Variants in HAS1 observed in about 807,000 individuals in gnomAD.
The protein encoded by HAS1 is hyaluronan synthase 1.
In HAS1, 27 loss-of-function variants were observed where a neutral mutation model predicts 35.0. The observed-to-expected ratio is 0.77, with a 90% CI of 0.57 to 1.06. The LOEUF (loss-of-function observed/expected upper bound fraction) is 1.06. Ranked by LOEUF, HAS1 falls within the 50% of genes least tolerant of loss-of-function variation. The pLI is 0.00. For missense variants in HAS1, 940 were observed against 814.8 expected (o/e 1.15, Z -1.87); for synonymous variants, 409 against 371.2 (o/e 1.10, Z -1.17).
At chr19:51,716,910 G>A in intron 3 of HAS1, 58 bp downstream of exon 3, 2 of 1,177,868 alleles carry the variant, frequency 1.7e-6, no homozygotes, top group Non-Finnish European at 2.5e-6. Flanking sequence ...GCCCCATCCG[G>A]CTTCCCTTCT....
Position 51,713,853 on chromosome 19 carries a change from G to A in HAS1, c.1308C>T (p.Cys436=). 6.2e-7 allele frequency: 1 copy of A among 1,606,720 alleles called. No homozygotes were observed. Among genetic ancestry groups the A allele is most frequent in the Non-Finnish European group, 8.5e-7 (1 of 1,179,366 alleles). The change falls in exon 5 of 5, where the codon TGC becomes TGT. Residue 436 remains cysteine, a synonymous_variant. Transcript: ENST00000540069. This position sits in a 1 kb window ranked among gnomAD's most constrained non-coding sequence, Gnocchi z 4.5. The stretch of plus-strand genomic sequence containing the variant: ...CCTTGGCCAGTGCCACGCCCTGCAC[G>A]CACAGCAGCACCCACAGCAGCGCCC... ...RPWALLWVLL[C]VQGVALAKAA... is the part of the protein sequence containing the mutation.
intron 4 of HAS1, among the ~76,000 whole-genome samples, chr19:51,715,409 C>G (rs1236681098): frequency 6.6e-6 from 1 of 152,132 alleles, no homozygotes; most frequent in Non-Finnish European, 1.5e-5. Flanking sequence ...CTCAGGCACT[C>G]CACTTAACAC....
At chr19:51,719,150 G>C (rs2122263746) in intron 2 of HAS1, 56 bp downstream of exon 2, 1 of 1,107,314 alleles carries the variant, frequency 9.0e-7, no homozygotes, top group African/African-American at 1.6e-5. Context: ...AAAGACCCCA[G>C]GAAAGTGGGA....
chr19:51,718,978 A>G (rs550960546), intron 2 of HAS1, among the ~76,000 whole-genome samples: 66 of 152,228 alleles, frequency 4.3e-4, no homozygotes, highest in Admixed American at 5.9e-4. Context: ...GAATGCCTCT[A>G]CATTGAATGG....
Position 51,719,405 on chromosome 19 carries a change from TG to T in HAS1, c.499del (p.Gln167SerfsTer33). The T allele has an allele frequency of 6.4e-7, 1 of 1,567,400 alleles. No homozygotes were observed. Among genetic ancestry groups the T allele is most frequent in the South Asian group, 1.2e-5 (1 of 86,678 alleles). On this transcript the variant is annotated frameshift_variant, in exon 2 of 5. Transcript: ENST00000540069. LOFTEE classifies it high-confidence loss of function. ...GCCCGCCGCCGCGGGTTCCCAGGGC[TG>T]GTGGTAGTTGCCGTCCCACACGTAC... Reference protein sequence around the residue: ...ATYVWDGNYHQPWEPAAAGAV... With the variant: ...ATYVWDGNYHXPWEPAAAGAV...
chr19:51,715,200 C>T (rs2083578706), intron 4 of HAS1, among the ~76,000 whole-genome samples: 1 of 152,168 alleles, frequency 6.6e-6, no homozygotes, highest in African/African-American at 2.4e-5. Flanking sequence ...GTACCCAAAA[C>T]GGCTGCCAGA....
At chr19:51,716,467 C>G in intron 3 of HAS1, 79 bp from the exon 4 acceptor site, 1 of 1,292,188 alleles carries the variant, frequency 7.7e-7, no homozygotes, top group South Asian at 1.4e-5. Flanking sequence ...CCAGCCCCAA[C>G]CCCATCTCCA....
chr19:51,713,936 G>A lies in HAS1; in HGVS notation c.1225C>T (p.Leu409=), dbSNP rs1190771278. 6.2e-7 allele frequency: 1 copy of A among 1,609,840 alleles called. No homozygotes were observed. Among genetic ancestry groups the A allele is most frequent in the Non-Finnish European group, 8.5e-7 (1 of 1,180,018 alleles). The part of the protein sequence containing the change: ...WMTYEAVVSG[L]FPFFVAATVL... ...GTGGCCGCCACGAAGAAGGGGAACA[G>A]GCCGGAGACCACCGCCTCGTAGGTC... Residue 409 remains leucine, a synonymous_variant, in exon 5 of 5, where the codon CTG becomes TTG. Coordinates refer to ENST00000540069, the MANE Select transcript of HAS1 (RefSeq NM_001297436.2). The surrounding 1 kb of genome is among the most constrained non-coding windows in gnomAD (Gnocchi z 4.5).
Position 51,719,301 on chromosome 19 carries a change from G to T in HAS1, c.604C>A (p.Arg202Ser), listed in dbSNP as rs757504132. ...RLAVEALVRT[R>S]RCVCVAQRWG... ...CGCTGCGCCACGCACACGCACCTGCGAGTCCTCACCAGCGCCTCCACTGCC... is the reference window on the plus strand; with the variant it reads ...CGCTGCGCCACGCACACGCACCTGCTAGTCCTCACCAGCGCCTCCACTGCC... Residue 202 changes from arginine (R) to serine (S), a missense_variant, in exon 2 of 5, where the codon CGC becomes AGC. Transcript: ENST00000540069. 1 of 1,612,472 alleles carries T rather than the reference G, an allele frequency of 6.2e-7. No homozygotes were observed. The highest frequency in any genetic ancestry group is 8.5e-7 in the Non-Finnish European group (1 of 1,179,484).
intron 2 of HAS1, among the ~76,000 whole-genome samples, chr19:51,718,499 A>G (rs2083601299): frequency 6.6e-6 from 1 of 152,194 alleles, no homozygotes; most frequent in African/African-American, 2.4e-5. Flanking sequence ...GAGTAAAGAA[A>G]AAGAATTTCT....
At position 51,713,244 on chromosome 19, in the gene HAS1, G is replaced by T; in HGVS notation, c.*183C>A. On this transcript the variant is annotated 3_prime_UTR_variant, in exon 5 of 5. Transcript: ENST00000540069. This position sits in a 1 kb window ranked among gnomAD's most constrained non-coding sequence, Gnocchi z 4.5. ...ACCCTGACCAATAAATACCCTCCCT[G>T]GAGACCCAGAAGTCCCAGTCCCAAT... The T allele has an allele frequency of 1.9e-6, 1 of 517,200 alleles. No individual in the cohort carries two copies. Among genetic ancestry groups the T allele is most frequent in the Non-Finnish European group, 3.2e-6 (1 of 309,588 alleles). The allele number at this position is 517,200 out of a possible 1,614,324, so 32.0% of individuals were successfully genotyped here.
At chr19:51,714,469 A>G (rs12973499) in intron 4 of HAS1, among the ~76,000 whole-genome samples, 3 of 148,162 alleles carry the variant, frequency 2.0e-5, no homozygotes, top group African/African-American at 7.5e-5. Context: ...TAGGGGGATC[A>G]CTTGAGGCTA....
intron 3 of HAS1, among the ~76,000 whole-genome samples, chr19:51,716,767 T>G (rs2083589313): frequency 6.6e-6 from 1 of 151,990 alleles, no homozygotes; most frequent in African/African-American, 2.4e-5. Flanking sequence ...ATCCATATCC[T>G]TTTTCCAACC....
rs755808630 is a variant in HAS1, at chr19:51,713,926, A to C, written c.1235T>G (p.Phe412Cys). The change falls in exon 5 of 5, where the codon TTC becomes TGC. Residue 412 changes from phenylalanine (F) to cysteine (C), a missense_variant. Coordinates refer to ENST00000540069, the MANE Select transcript of HAS1 (RefSeq NM_001297436.2). This position sits in a 1 kb window ranked among gnomAD's most constrained non-coding sequence, Gnocchi z 4.5. ...YEAVVSGLFP[F>C]FVAATVLRLF... ...ACGCAGCACAGTGGCCGCCACGAAG[A>C]AGGGGAACAGGCCGGAGACCACCGC... The C allele has an allele frequency of 2.5e-6, 4 of 1,608,932 alleles. No homozygotes were observed. The African/African-American group carries it at 5.3e-5, about 21-fold the overall frequency.
At chr19:51,714,432 T>C (rs1296512897) in intron 4 of HAS1, among the ~76,000 whole-genome samples, 2 of 147,972 alleles carry the variant, frequency 1.4e-5, no homozygotes, top group African/African-American at 2.5e-5. Flanking sequence ...CTCATGCCTG[T>C]AATCCCAGCA....
At chr19:51,723,675 A>G (rs1038787460) in intron 1 of HAS1, among the ~76,000 whole-genome samples, 1 of 152,078 alleles carries the variant, frequency 6.6e-6, no homozygotes, top group Non-Finnish European at 1.5e-5. Context: ...AAATACGGAC[A>G]TGGCACGTCT....
Position 51,719,661 on chromosome 19 carries a change from C to G in HAS1, c.244G>C (p.Ala82Pro), listed in dbSNP as rs1253565120. ...GCATCCAGCGGCCCCCGCGCCGCCG[C>G]CGCCACCCGCCGGTGCTCCAGGTAC... ...FAYLEHRRVA[A>P]AARGPLDAAT... Residue 82 changes from alanine to proline, a missense_variant, in exon 2 of 5, where the codon GCG becomes CCG. Ala to Pro is a conservative substitution (Grantham distance 27). Transcript: ENST00000540069. 1 of 1,541,660 alleles carries G rather than the reference C, an allele frequency of 6.5e-7. No homozygotes were observed. Among genetic ancestry groups the G allele is most frequent in the South Asian group, 1.2e-5 (1 of 83,676 alleles).
chr19:51,716,207 T>A, intron 4 of HAS1, 49 bp downstream of exon 4: 1 of 1,537,080 alleles, frequency 6.5e-7, no homozygotes, highest in Non-Finnish European at 8.9e-7. Flanking sequence ...CACGCTAGGA[T>A]ATTCATTGGC....
At chr19:51,718,348 A>G (rs1019034810) in intron 2 of HAS1, among the ~76,000 whole-genome samples, 1 of 152,214 alleles carries the variant, frequency 6.6e-6, no homozygotes. Flanking sequence ...GAATGAAAGA[A>G]TCTCAACACT....
Sources: gnomAD v4.1 joint callset for allele counts (sites outside exome capture counted in the v4.1 genomes callset) on GRCh38, gnomAD v4.1.1 for gene constraint, Gnocchi (gnomAD v3.1) non-coding constraint, MANE v1.5 for transcripts, NCBI Gene and HGNC (gene_info 2026-07-23, HGNC 2026-07-21) for gene names.